PCDHGB1: variants seen among roughly 807,000 people sequenced by gnomAD.
PCDHGB1 encodes protocadherin gamma subfamily B, 1, also known as protocadherin gamma-B1.
In PCDHGB1, 34 loss-of-function variants were observed where a neutral mutation model predicts 56.6. The ratio of observed to expected loss-of-function variants is 0.60; its 90% CI spans 0.46 to 0.80. The LOEUF (loss-of-function observed/expected upper bound fraction) is 0.80, where lower values mean the gene tolerates loss of function less well. Ranked by LOEUF, PCDHGB1 falls within the 30% of genes least tolerant of loss-of-function variation. The probability of loss-of-function intolerance (pLI) is 0.00; values close to 1 mark genes in which losing one functional copy is unlikely to be tolerated. For missense variants in PCDHGB1, 1,278 were observed against 1,204.6 expected, an observed-to-expected ratio of 1.06 and a Z score of -0.90; for synonymous variants, 561 against 505.9, an observed-to-expected ratio of 1.11 and a Z score of -1.46.
At position 141,404,170 on chromosome 5, in the gene PCDHGB1, G is replaced by C. The variant is rs73279089; in HGVS notation, c.2409+51501G>C. Reference sequence around the variant, plus strand: ...AAGAAGATTATTACAGATTGTTGACGGCCCAAATTCTTGACCGAGAAAAAG... The same window carrying C: ...AAGAAGATTATTACAGATTGTTGACCGCCCAAATTCTTGACCGAGAAAAAG... On this transcript the variant is annotated intron_variant, in intron 1 of 3. Coordinates refer to ENST00000523390, the MANE Select transcript of PCDHGB1 (RefSeq NM_018922.3). The C allele has an allele frequency of 1.5e-3, 2,365 of 1,612,738 alleles. 32 individuals are homozygous for C. In the African/African-American group the frequency reaches 0.028, roughly 19 times the overall value.
chr5:141,370,383 G>T, intron 1 of PCDHGB1: 2 of 1,533,714 alleles, frequency 1.3e-6, no homozygotes, highest in African/African-American at 1.4e-5. Flanking sequence ...AGGCAAAGGC[G>T]CAGAGAGCGG....
intron 1 of PCDHGB1, chr5:141,374,345 G>A (rs1221134827): frequency 8.1e-6 from 13 of 1,614,018 alleles, no homozygotes; most frequent in Non-Finnish European, 1.1e-5. Flanking sequence ...GGTCACCGCG[G>A]GTAGGATAGA....
At chr5:141,473,735 A>G (rs529416084) in intron 1 of PCDHGB1, among the ~76,000 whole-genome samples, 75 of 152,352 alleles carry the variant, frequency 4.9e-4, no homozygotes, top group African/African-American at 1.6e-3. Context: ...GAGAGGGAGA[A>G]GACATGAGAA....
At position 141,351,482 on chromosome 5, in the gene PCDHGB1, C is replaced by A. The variant is rs148748054; in HGVS notation, c.1222C>A (p.Arg408=). 6.5e-3 allele frequency: 10,410 copies of A among 1,613,848 alleles called. 45 individuals carry two copies. The highest frequency in any genetic ancestry group is 6.8e-3 in the Non-Finnish European group (8,040 of 1,179,816). The change falls in exon 1 of 4, where the codon CGG becomes AGG. Residue 408 remains arginine (R), a synonymous_variant. Coordinates refer to ENST00000523390, the MANE Select transcript of PCDHGB1 (RefSeq NM_018922.3). ...YKLVIAGALN[R]EQTADYNVTI... ...GCTGGTGATTGCTGGAGCCCTAAAC[C>A]GGGAGCAGACAGCAGACTACAACGT... is the stretch of plus-strand genomic sequence containing the variant.
Position 141,352,616 on chromosome 5 carries a change from T to C in PCDHGB1, c.2356T>C (p.Cys786Arg), listed in dbSNP as rs1287567761. ...GTGTGATGATCCTTCTATGGTTGTA[T>C]GTGCCAGTAATGAAGATCACAAAAT... ...LLCDDPSMVV[C>R]ASNEDHKIAY... The change falls in exon 1 of 4, where the codon TGT becomes CGT. Residue 786 changes from cysteine (C) to arginine (R), a missense_variant. By Grantham distance (180) the Cys-to-Arg change is radical. Coordinates refer to ENST00000523390, the MANE Select transcript of PCDHGB1 (RefSeq NM_018922.3). 3.7e-6 allele frequency: 6 copies of C among 1,613,192 alleles called. No homozygotes were observed. Among genetic ancestry groups the C allele is most frequent in the Non-Finnish European group, 5.1e-6 (6 of 1,179,572 alleles).
chr5:141,393,399 C>G, intron 1 of PCDHGB1: 1 of 1,614,028 alleles, frequency 6.2e-7, no homozygotes, highest in Non-Finnish European at 8.5e-7. Flanking sequence ...AGAGCTGGTG[C>G]TGGAGCGCGC....
At chr5:141,370,524 G>C in intron 1 of PCDHGB1, 1 of 1,613,890 alleles carries the variant, frequency 6.2e-7, no homozygotes, top group Non-Finnish European at 8.5e-7. Context: ...GCTGGACAGG[G>C]GCTCGCTGGT....
intron 1 of PCDHGB1, chr5:141,404,805 C>T (rs770534822): frequency 1.7e-5 from 28 of 1,613,842 alleles, no homozygotes; most frequent in Admixed American, 6.7e-5. Context: ...GGGCTCTTCT[C>T]GGTGGGGCTG....
At chr5:141,382,958 TG>T in intron 1 of PCDHGB1, 1 of 1,606,924 alleles carries the variant, frequency 6.2e-7, no homozygotes, top group Middle Eastern at 1.7e-4. Flanking sequence ...TCCATCCTCC[TG>T]GGGACCCCCT....
rs1440079491 is a variant in PCDHGB1 at position 141,350,517 on chromosome 5, G to A, written c.257G>A (p.Arg86Lys). The change falls in exon 1 of 4, where the codon AGG (arginine) becomes AAG (lysine). Residue 86 changes from arginine to lysine, a missense_variant. Physicochemically the swap from Arg to Lys is conservative, Grantham distance 26. Coordinates refer to ENST00000523390, the MANE Select transcript of PCDHGB1 (RefSeq NM_018922.3). ...LESGDLLVNG[R>K]IDREKICGRK... is the part of the protein sequence containing the mutation. ...AGCGGGGATTTGTTAGTGAACGGTA[G>A]GATAGATCGAGAGAAGATTTGCGGA... 6.2e-7 allele frequency: 1 copy of A among 1,613,896 alleles called. No individual in the cohort carries two copies. Among genetic ancestry groups the A allele is most frequent in the African/African-American group, 1.3e-5 (1 of 74,924 alleles).
chr5:141,370,423 C>T, intron 1 of PCDHGB1: 1 of 1,586,808 alleles, frequency 6.3e-7, no homozygotes, highest in African/African-American at 1.3e-5. Context: ...TGGAGGGGCC[C>T]AGCAGGGCAG....
chr5:141,489,150 T>C lies in PCDHGB1; in HGVS notation c.2410-5657T>C. The C allele has an allele frequency of 1.7e-5, 15 of 862,654 alleles. No individual in the cohort carries two copies. Among genetic ancestry groups the C allele is most frequent in the Middle Eastern group, 2.5e-4 (1 of 4,044 alleles). 53.4% of individuals were successfully genotyped at this position (862,654 alleles called of 1,614,324 possible). On this transcript the variant is annotated intron_variant, in intron 1 of 3. Transcript: ENST00000523390. The surrounding 1 kb of genome is among the most constrained non-coding windows in gnomAD (Gnocchi z 4.5). ...GTTTTTAAGAGGCTGGAAGGAGACA[T>C]AAGAGACTTCAGCTGCTGCATTCCA...
intron 1 of PCDHGB1, chr5:141,383,078 C>G (rs749152940): frequency 2.5e-6 from 4 of 1,613,840 alleles, no homozygotes; most frequent in South Asian, 2.2e-5. Flanking sequence ...CGGGAGCTGG[C>G]GGAGCGCGGA....
Position 141,490,019 on chromosome 5 carries a change from T to C in PCDHGB1, c.2410-4788T>C. 2 of 1,614,272 alleles carry C rather than the reference T, an allele frequency of 1.2e-6. No homozygotes were observed. Among genetic ancestry groups the C allele is most frequent in the East Asian group, 2.2e-5 (1 of 44,886 alleles). ...CCAGAGAATGCACCCATTGGTACTCTGCTGCTCCGCCTCAATGCCACTGAT... is the reference window on the plus strand; with the variant it reads ...CCAGAGAATGCACCCATTGGTACTCCGCTGCTCCGCCTCAATGCCACTGAT... On this transcript the variant is annotated intron_variant, in intron 1 of 3. Coordinates refer to ENST00000523390, the MANE Select transcript of PCDHGB1 (RefSeq NM_018922.3). This position sits in a 1 kb window ranked among gnomAD's most constrained non-coding sequence, Gnocchi z 5.4.
intron 1 of PCDHGB1, chr5:141,415,325 C>T (rs1046074461): frequency 2.2e-5 from 35 of 1,614,212 alleles, no homozygotes; most frequent in East Asian, 6.7e-5. Context: ...GTGCTGCTGG[C>T]GCACAGGCTG....
intron 1 of PCDHGB1, among the ~76,000 whole-genome samples, chr5:141,453,710 A>C (rs988115758): frequency 3.9e-5 from 6 of 152,242 alleles, no homozygotes; most frequent in African/African-American, 1.4e-4. Context: ...GAACAGTTTC[A>C]CTATAAAAAT....
At position 141,463,438 on chromosome 5, in the gene PCDHGB1, C is replaced by CTTTTT. The variant is rs71576115; in HGVS notation, c.2410-31345_2410-31341dup. On this transcript the variant is annotated intron_variant, in intron 1 of 3. Coordinates refer to ENST00000523390, the MANE Select transcript of PCDHGB1 (RefSeq NM_018922.3). ...GTTTGCGGATCCTCATTTCCTTCTC[C>CTTTTT]TTTTTTTTTTTTTTTTTTTTTTTTT... is the stretch of plus-strand genomic sequence containing the variant. 3.0e-4 allele frequency among the ~76,000 whole-genome samples: 31 copies of CTTTTT among 103,252 alleles called. 1 individual carries two copies. Among genetic ancestry groups the CTTTTT allele is most frequent in the African/African-American group, 1.2e-3 (26 of 22,402 alleles). The allele number at this position is 103,252 out of a possible 152,430, so 67.7% of individuals were successfully genotyped here.
chr5:141,399,311 A>G, intron 1 of PCDHGB1: 1 of 1,613,970 alleles, frequency 6.2e-7, no homozygotes, highest in Non-Finnish European at 8.5e-7. Flanking sequence ...TCTTCATCCA[A>G]AAATTCGTAT....
In PCDHGB1 at chr5:141,351,569, C is replaced by A. The variant is rs191804700; in HGVS notation, c.1309C>A (p.His437Asn). 3.1e-6 allele frequency: 5 copies of A among 1,614,062 alleles called. No individual in the cohort carries two copies. The East Asian group carries it at 1.1e-4, about 36-fold the overall frequency. ...TTCCTCCAGGACAAGCATCACCCTG[C>A]ACATCTCCGACATCAACGACAATGC... is the stretch of plus-strand genomic sequence containing the variant. ...ALSSRTSITL[H>N]ISDINDNAPV... is the part of the protein sequence containing the mutation. Residue 437 changes from histidine (H) to asparagine (N), a missense_variant, in exon 1 of 4, where the codon CAC (histidine) becomes AAC (asparagine). His to Asn is a moderately conservative substitution (Grantham distance 68, BLOSUM62 1). Transcript: ENST00000523390.
Sources: gnomAD v4.1 joint callset for allele counts (sites outside exome capture counted in the v4.1 genomes callset) on GRCh38, gnomAD v4.1.1 for gene constraint, Gnocchi (gnomAD v3.1) non-coding constraint, MANE v1.5 for transcripts, NCBI Gene and HGNC (gene_info 2026-07-23, HGNC 2026-07-21) for gene names.